The following ADGRG5 variants were observed in gnomAD, a reference collection of about 807,000 sequenced individuals.
The protein encoded by ADGRG5 is G protein-coupled receptor 114.
In ADGRG5, 37 loss-of-function variants were observed where a neutral mutation model predicts 53.2. The observed-to-expected ratio is 0.70, with a 90% CI of 0.53 to 0.91. The LOEUF is 0.91. Ranked by LOEUF, ADGRG5 falls within the 40% of genes least tolerant of loss-of-function variation. The pLI, the probability that ADGRG5 is intolerant of heterozygous loss-of-function variation, is 0.00. For missense variants in ADGRG5, 614 were observed against 675.8 expected (o/e 0.91, Z 1.01); for synonymous variants, 277 against 290.4 (o/e 0.95, Z 0.47).
the ADGRG5 span, among the ~76,000 whole-genome samples, chr16:57,534,902 G>A: frequency 2.6e-5 from 4 of 152,210 alleles, no homozygotes; most frequent in Non-Finnish European, 5.9e-5. Context: ...GTTGTGTTTT[G>A]TCCTCAGCAT....
chr16:57,555,689 G>A (rs55786309), intron 1 of ADGRG5, among the ~76,000 whole-genome samples: 7,095 of 152,172 alleles, frequency 0.047, 309 homozygotes, highest in South Asian at 0.16. Flanking sequence ...TTAGTCTTTA[G>A]CATTATATAA....
At chr16:57,552,816 TA>T (rs2032785745) in intron 1 of ADGRG5, among the ~76,000 whole-genome samples, 1 of 152,214 alleles carries the variant, frequency 6.6e-6, no homozygotes, top group Admixed American at 6.5e-5. Context: ...TCACTGAGCT[TA>T]AAATTTCTAG....
chr16:57,565,389 T>C lies in ADGRG5; in HGVS notation c.546+239T>C, dbSNP rs1056005599. The C allele has an allele frequency of 6.7e-5, 37 of 552,350 alleles. 1 individual carries two copies. In the South Asian group the frequency reaches 9.6e-4, roughly 14 times the overall value. 34.2% of individuals were successfully genotyped at this position (552,350 alleles called of 1,614,324 possible). A position where few individuals can be genotyped will look rare whatever the true frequency, so the allele number is the denominator to read the frequency against. ...CCAGCTTGAGCACAGAGGGAACTGA[T>C]TGGCACACATCCATGAAATGTCTAG... On this transcript the variant is annotated intron_variant, in intron 6 of 11. Coordinates refer to ENST00000349457, the MANE Select transcript of ADGRG5 (RefSeq NM_001304376.3).
intron 4 of ADGRG5, among the ~76,000 whole-genome samples, chr16:57,563,621 C>T (rs559125346): frequency 6.6e-6 from 1 of 152,282 alleles, no homozygotes; most frequent in Non-Finnish European, 1.5e-5. Flanking sequence ...TGAGGTAGCT[C>T]CATCTTCAGG....
intron 1 of ADGRG5, among the ~76,000 whole-genome samples, chr16:57,546,941 G>T (rs2032633911): frequency 6.6e-6 from 1 of 151,882 alleles, no homozygotes; most frequent in African/African-American, 2.4e-5. Flanking sequence ...CCATCTCCTG[G>T]GCTCAAGTGA....
chr16:57,562,641 G>A (rs1008323370), intron 3 of ADGRG5, 182 bp downstream of exon 3: 3 of 583,006 alleles, frequency 5.1e-6, no homozygotes, highest in Non-Finnish European at 3.1e-6. Context: ...GTTTATCATC[G>A]AGGAATGGGG....
Position 57,547,526 on chromosome 16 carries a change from C to A in ADGRG5, c.-39+4825C>A, listed in dbSNP as rs148079760. The stretch of plus-strand genomic sequence containing the variant: ...GTGGCGCGATCTCGGCTCACTGCAA[C>A]CTCCGCCTACTGGGTTCAAGCGATT... On this transcript the variant is annotated intron_variant, in intron 1 of 11. Coordinates refer to ENST00000349457, the MANE Select transcript of ADGRG5 (RefSeq NM_001304376.3). Among the ~76,000 whole-genome samples, 573 of 152,302 alleles carry A rather than the reference C, an allele frequency of 3.8e-3. 2 individuals carry two copies. The highest frequency in any genetic ancestry group is 0.012 in the African/African-American group (516 of 41,568).
chr16:57,547,589 C>T (rs1160719003), intron 1 of ADGRG5, among the ~76,000 whole-genome samples: 2 of 151,484 alleles, frequency 1.3e-5, no homozygotes, highest in Non-Finnish European at 2.9e-5. Context: ...GGATTACAGG[C>T]GCCTGCCACC....
intron 1 of ADGRG5, among the ~76,000 whole-genome samples, chr16:57,558,678 A>G (rs1266183587): frequency 6.6e-6 from 1 of 152,028 alleles, no homozygotes; most frequent in Non-Finnish European, 1.5e-5. Flanking sequence ...CTTCCCCTTC[A>G]TCCCCATGGG....
chr16:57,529,092 G>A, the ADGRG5 span: 1 of 1,173,972 alleles, frequency 8.5e-7, no homozygotes, highest in Non-Finnish European at 1.1e-6. This position sits in a 1 kb window ranked among gnomAD's most constrained non-coding sequence, Gnocchi z 4.1. Context: ...CATGCGCTCC[G>A]GCGACGGGCT....
At chr16:57,550,683 A>T (rs532786763) in intron 1 of ADGRG5, among the ~76,000 whole-genome samples, 3 of 152,300 alleles carry the variant, frequency 2.0e-5, no homozygotes, top group Admixed American at 6.5e-5. Context: ...AGTAAAGCAA[A>T]TATGGTAATA....
chr16:57,535,427 A>G, the ADGRG5 span, among the ~76,000 whole-genome samples: 2 of 152,142 alleles, frequency 1.3e-5, no homozygotes, highest in African/African-American at 2.4e-5. Flanking sequence ...AGGGACAGCT[A>G]CGTGTCTGTG....
At chr16:57,532,030 G>A in the ADGRG5 span, among the ~76,000 whole-genome samples, 2 of 152,172 alleles carry the variant, frequency 1.3e-5, no homozygotes. Context: ...CCATGCATGA[G>A]GTCTAGGCCC....
intron 6 of ADGRG5, 29 bp downstream of exon 6, chr16:57,565,179 T>A: frequency 7.6e-7 from 1 of 1,321,264 alleles, no homozygotes; most frequent in Non-Finnish European, 1.1e-6. Context: ...CCGTTTCCAC[T>A]GCACCCCTGC....
At position 57,570,484 on chromosome 16, in the gene ADGRG5, TC is replaced by T; in HGVS notation, c.1161del (p.Val388SerfsTer104). On this transcript the variant is annotated frameshift_variant, in exon 10 of 12. Transcript: ENST00000349457. LOFTEE classifies it high-confidence loss of function. ...VKSSVYGPCT[I>X]PVFDSWENGT... ...AGCTCGGTATACGGACCCTGCACAA[TC>T]CCCGTCTTCGACAGCTGGGAGAATG... The T allele has an allele frequency of 6.2e-7, 1 of 1,613,544 alleles. No individual in the cohort carries two copies. The highest frequency in any genetic ancestry group is 2.2e-5 in the East Asian group (1 of 44,872).
At chr16:57,575,184 G>T in intron 11 of ADGRG5, 92 bp downstream of exon 11, 1 of 1,395,176 alleles carries the variant, frequency 7.2e-7, no homozygotes, top group South Asian at 1.3e-5. Flanking sequence ...GGTGAAGGGG[G>T]CGAGTGGGGG....
At chr16:57,569,683 A>G (rs1358339908) in intron 9 of ADGRG5, among the ~76,000 whole-genome samples, 2 of 150,382 alleles carry the variant, frequency 1.3e-5, no homozygotes, top group Non-Finnish European at 3.0e-5. Flanking sequence ...CACCTCTGTC[A>G]CCACCATCAT....
rs141637452 is a variant in ADGRG5 at position 57,562,146 on chromosome 16, A to C, written c.53A>C (p.Asn18Thr). The C allele has an allele frequency of 3.1e-4, 492 of 1,601,996 alleles. 3 individuals are homozygous for C. The African/African-American group carries it at 5.6e-3, about 18-fold the overall frequency. ...FLCLCLLTLQ[N>T]ATTETWEELL... is the part of the protein sequence containing the mutation. ...TGCCTGTGCCTTCTGACTTTGCAGA[A>C]TGCAACAACAGGTAAGGGGGCTCTG... Residue 18 changes from asparagine to threonine, a missense_variant, in exon 2 of 12, where the codon AAT (asparagine) becomes ACT (threonine). Transcript: ENST00000349457.
the ADGRG5 span, chr16:57,529,362 C>G: frequency 1.3e-6 from 1 of 768,600 alleles, no homozygotes; most frequent in Non-Finnish European, 1.7e-6. This position sits in a 1 kb window ranked among gnomAD's most constrained non-coding sequence, Gnocchi z 4.1. Flanking sequence ...CTGCGACCAC[C>G]GTCAGTCTCG....
Sources: allele counts gnomAD v4.1 joint callset (sites outside exome capture counted in the v4.1 genomes callset), GRCh38; gene constraint gnomAD v4.1.1; non-coding constraint Gnocchi (gnomAD v3.1); transcripts MANE v1.5; gene names NCBI Gene and HGNC (gene_info 2026-07-23, HGNC 2026-07-21).